The following ESR1 variants were observed in gnomAD, a reference collection of about 807,000 sequenced individuals.
The protein encoded by ESR1 is estrogen receptor.
Under a neutral mutation model 52.7 loss-of-function variants are expected in ESR1, and 12 were observed. The observed-to-expected ratio is 0.23, with a 90% CI of 0.15 to 0.37. The LOEUF is 0.37. Ranked by LOEUF, ESR1 falls within the 10% of genes least tolerant of loss-of-function variation. The pLI is 1.00. For synonymous variants in ESR1, 305 were observed against 316.8 expected (o/e 0.96, Z 0.39); for missense variants, 584 against 779.7 (o/e 0.75, Z 2.99).
intron 3 of ESR1, among the ~76,000 whole-genome samples, chr6:151,940,148 C>T (rs371754683): frequency 3.9e-5 from 6 of 152,252 alleles, no homozygotes; most frequent in African/African-American, 1.4e-4. Context: ...TATATGGCAG[C>T]AGGCAAGAGA....
intron 1 of ESR1, among the ~76,000 whole-genome samples, chr6:151,657,300 T>C (rs2115184914): frequency 6.6e-6 from 1 of 152,284 alleles, no homozygotes; most frequent in South Asian, 2.1e-4. Context: ...TTAATTAAAC[T>C]AGATAACTTT....
At chr6:152,104,599 G>T (rs1283030637), downstream of ESR1, among the ~76,000 whole-genome samples, 1 of 152,052 alleles carries the variant, frequency 6.6e-6, no homozygotes, top group Admixed American at 6.5e-5. Context: ...GTGATATTAT[G>T]GTACAATAAG....
intron 5 of ESR1, among the ~76,000 whole-genome samples, chr6:152,021,025 G>A (rs751179197): frequency 6.6e-6 from 1 of 152,098 alleles, no homozygotes; most frequent in Non-Finnish European, 1.5e-5. Flanking sequence ...CTATTTCCCA[G>A]TGTGATGGTT....
intron 1 of ESR1, among the ~76,000 whole-genome samples, chr6:151,672,670 A>C (rs1057041948): frequency 1.4e-5 from 2 of 147,218 alleles, no homozygotes; most frequent in Non-Finnish European, 3.0e-5. Flanking sequence ...ACGAGGTTTC[A>C]CCATGTTGGC....
Position 151,808,314 on chromosome 6 carries a change from C to G in ESR1, c.402C>G (p.Asn134Lys). The G allele has an allele frequency of 1.3e-6, 2 of 1,561,272 alleles. No homozygotes were observed. Among genetic ancestry groups the G allele is most frequent in the South Asian group, 1.2e-5 (1 of 83,436 alleles). The change falls in exon 1 of 8, where the codon AAC (asparagine) becomes AAG (lysine). Residue 134 changes from asparagine to lysine, a missense_variant. Asn to Lys is a moderately conservative substitution (Grantham distance 94, BLOSUM62 0). Transcript: ENST00000206249. ...HGQQVPYYLE[N>K]EPSGYTVREA... ...AGCAGGTGCCCTACTACCTGGAGAA[C>G]GAGCCCAGCGGCTACACGGTGCGCG...
intron 1 of ESR1, chr6:151,813,182 CAAT>C (rs960697782): frequency 2.6e-5 from 4 of 152,056 alleles, no homozygotes; most frequent in African/African-American, 9.7e-5. Flanking sequence ...CAGTAATCAA[CAAT>C]GTTTTAAATT....
chr6:151,693,093 G>A (rs1779069903), intron 1 of ESR1, among the ~76,000 whole-genome samples: 1 of 152,178 alleles, frequency 6.6e-6, no homozygotes, highest in South Asian at 2.1e-4. Flanking sequence ...TGCAAAGTGG[G>A]AGTACTAACA....
intron 4 of ESR1, among the ~76,000 whole-genome samples, chr6:151,945,076 GA>G (rs952762771): frequency 2.6e-5 from 4 of 152,066 alleles, no homozygotes; most frequent in African/African-American, 9.7e-5. Context: ...AAATTAGCTG[GA>G]TGCAGTGGCA....
downstream of ESR1, among the ~76,000 whole-genome samples, chr6:152,103,668 A>T (rs2051022916): frequency 6.6e-6 from 1 of 152,118 alleles, no homozygotes; most frequent in African/African-American, 2.4e-5. Flanking sequence ...TGTGAGGGAG[A>T]AGAAGGATGC....
At chr6:151,831,833 C>T (rs1782469763) in intron 1 of ESR1, among the ~76,000 whole-genome samples, 1 of 152,156 alleles carries the variant, frequency 6.6e-6, no homozygotes, top group Non-Finnish European at 1.5e-5. Flanking sequence ...CCTGCTTGGC[C>T]AGCCCCTTTC....
At chr6:152,129,090 G>A (rs1338443097) in exon 7 of ESR1, 1 of 152,280 alleles carries the variant, frequency 6.6e-6, no homozygotes, top group Non-Finnish European at 1.5e-5. Flanking sequence ...GTCGTAGTGA[G>A]AATGTGGCTG....
In ESR1 at chr6:152,023,702, A is replaced by G. The variant is rs147245641; in HGVS notation, c.1235+11908A>G. Reference sequence around the variant, plus strand: ...TTAATGTCTGTCTATTTGAATTTATAACAATTTCCACTTAATTTATTTTCT... The same window carrying G: ...TTAATGTCTGTCTATTTGAATTTATGACAATTTCCACTTAATTTATTTTCT... On this transcript the variant is annotated intron_variant, in intron 5 of 7. Transcript: ENST00000206249. Among the ~76,000 whole-genome samples, 705 of 152,302 alleles carry G rather than the reference A, an allele frequency of 4.6e-3. 3 individuals carry two copies. The highest frequency in any genetic ancestry group is 0.017 in the African/African-American group (687 of 41,570).
At chr6:151,933,316 CTT>C (rs2033930389) in intron 3 of ESR1, among the ~76,000 whole-genome samples, 1 of 150,436 alleles carries the variant, frequency 6.6e-6, no homozygotes, top group Non-Finnish European at 1.5e-5. Context: ...TATCCTGAGA[CTT>C]TGCTGAAGTT....
In ESR1 at chr6:152,102,936, T is replaced by C. The variant is rs190656683; in HGVS notation, c.*3970T>C. 1.1e-4 allele frequency: 25 copies of C among 223,724 alleles called. No homozygotes were observed. Among genetic ancestry groups the C allele is most frequent in the African/African-American group, 5.6e-4 (25 of 44,866 alleles). The allele number at this position is 223,724 out of a possible 1,614,324, so 13.9% of individuals were successfully genotyped here. A position where few individuals can be genotyped will look rare whatever the true frequency, so the allele number is the denominator to read the frequency against. On this transcript the variant is annotated 3_prime_UTR_variant, in exon 8 of 8. Coordinates refer to ENST00000206249, the MANE Select transcript of ESR1 (RefSeq NM_000125.4). ...CCCCTTTGCATTCACAGAGAGGTCA[T>C]TGGTTATAGAGACTTGAATTAATAA... is the stretch of plus-strand genomic sequence containing the variant.
chr6:152,099,303 GT>G lies in ESR1; in HGVS notation c.*338del, dbSNP rs765697890. 3.8e-5 allele frequency: 17 copies of G among 443,882 alleles called. No homozygotes were observed. The highest frequency in any genetic ancestry group is 7.8e-5 in the East Asian group (2 of 25,512). The allele number at this position is 443,882 out of a possible 1,614,324, so 27.5% of individuals were successfully genotyped here. On this transcript the variant is annotated 3_prime_UTR_variant, in exon 8 of 8. Transcript: ENST00000206249. ...ATAACTCTGTGCATTTAAGCTACTTGTAGAGACCCAGGCCTGGAGAGTAGAC... is the reference window on the plus strand; with the variant it reads ...ATAACTCTGTGCATTTAAGCTACTTGAGAGACCCAGGCCTGGAGAGTAGAC...
At chr6:152,079,578 C>T (rs2049024784) in intron 6 of ESR1, among the ~76,000 whole-genome samples, 1 of 152,210 alleles carries the variant, frequency 6.6e-6, no homozygotes, top group East Asian at 1.9e-4. Context: ...CAGAGCGCCT[C>T]TTCTGCTCCA....
chr6:151,953,990 C>T lies in ESR1; in HGVS notation c.1096+9482C>T, dbSNP rs1047145692. 3.9e-5 allele frequency among the ~76,000 whole-genome samples: 6 copies of T among 152,166 alleles called. No homozygotes were observed. The East Asian group carries it at 1.2e-3, about 29-fold the overall frequency. ...TTGATTTTTGGCACAATTATTACATCTCTCCTTTCACCCCGCCTCTAGCCC... is the reference window on the plus strand; with the variant it reads ...TTGATTTTTGGCACAATTATTACATTTCTCCTTTCACCCCGCCTCTAGCCC... On this transcript the variant is annotated intron_variant, in intron 4 of 7. Transcript: ENST00000206249.
At chr6:152,041,717 A>T (rs944767102) in intron 5 of ESR1, among the ~76,000 whole-genome samples, 1 of 152,226 alleles carries the variant, frequency 6.6e-6, no homozygotes, top group African/African-American at 2.4e-5. Context: ...AACTATCAAG[A>T]TCTCTCCAAC....
In ESR1 at chr6:151,944,389, T is replaced by C. The variant is rs1284534841; in HGVS notation, c.977T>C (p.Ile326Thr). 1 of 1,613,998 alleles carries C rather than the reference T, an allele frequency of 6.2e-7. No homozygotes were observed. The highest frequency in any genetic ancestry group is 1.1e-5 in the South Asian group (1 of 91,084). Residue 326 changes from isoleucine to threonine, a missense_variant, in exon 4 of 8, where the codon ATA (isoleucine) becomes ACA (threonine). Coordinates refer to ENST00000206249, the MANE Select transcript of ESR1 (RefSeq NM_000125.4). Reference sequence around the variant, plus strand: ...GCCTTGTTGGATGCTGAGCCCCCGATACTCTATTCCGAGTATGATCCTACC... The same window carrying C: ...GCCTTGTTGGATGCTGAGCCCCCGACACTCTATTCCGAGTATGATCCTACC... The part of the protein sequence containing the change: ...VSALLDAEPP[I>T]LYSEYDPTRP...
Sources: allele counts gnomAD v4.1 joint callset (sites outside exome capture counted in the v4.1 genomes callset), GRCh38; gene constraint gnomAD v4.1.1; transcripts MANE v1.5; gene names NCBI Gene and HGNC (gene_info 2026-07-23, HGNC 2026-07-21).